Variants in RAP1GAP2 observed in about 807,000 individuals in gnomAD.
RAP1GAP2 encodes rap1 GTPase-activating protein 2.
In RAP1GAP2, 27 loss-of-function variants were observed where a neutral mutation model predicts 95.0. The ratio of observed to expected loss-of-function variants is 0.28; its 90% CI spans 0.21 to 0.39. The LOEUF (loss-of-function observed/expected upper bound fraction) is 0.39, where lower values mean the gene tolerates loss of function less well. Ranked by LOEUF, RAP1GAP2 falls within the 10% of genes least tolerant of loss-of-function variation. RAP1GAP2 has a pLI of 1.00. For synonymous variants in RAP1GAP2, 373 were observed against 380.9 expected, an observed-to-expected ratio of 0.98 and a Z score of 0.24; for missense variants, 771 against 970.0, an observed-to-expected ratio of 0.79 and a Z score of 2.72.
At chr17:2,793,064 T>C (rs1057313539), upstream of RAP1GAP2, among the ~76,000 whole-genome samples, 1 of 152,152 alleles carries the variant, frequency 6.6e-6, no homozygotes, top group African/African-American at 2.4e-5. Flanking sequence ...TTCTCTCTCA[T>C]GTATGAAAGC....
chr17:3,020,776 G>A (rs1047212162), intron 19 of RAP1GAP2, among the ~76,000 whole-genome samples, 181 bp downstream of exon 19: 5 of 152,198 alleles, frequency 3.3e-5, no homozygotes, highest in Non-Finnish European at 5.9e-5. Context: ...CCAAAGAGGC[G>A]GACTTGGCCA....
At position 3,007,887 on chromosome 17, in the gene RAP1GAP2, C is replaced by T. The variant is rs115933807; in HGVS notation, c.1360-124C>T. ...GAAGCTCAGCTCAGCAGTAGGTCCA[C>T]ACCGTTGCTGGGCCGGGCTGGGCAG... On this transcript the variant is annotated intron_variant, in intron 16 of 24. Coordinates refer to ENST00000254695, the MANE Select transcript of RAP1GAP2 (RefSeq NM_015085.5). 7.8e-4 allele frequency: 946 copies of T among 1,205,100 alleles called. 9 individuals carry two copies. In the African/African-American group the frequency reaches 0.013, roughly 17 times the overall value. 74.7% of individuals were successfully genotyped at this position (1,205,100 alleles called of 1,614,324 possible).
At chr17:2,900,159 C>T (rs1181555298) in intron 2 of RAP1GAP2, among the ~76,000 whole-genome samples, 2 of 152,200 alleles carry the variant, frequency 1.3e-5, no homozygotes, top group Non-Finnish European at 2.9e-5. Context: ...GGGGGCCTTA[C>T]ACCTGGCCCC....
In RAP1GAP2 at chr17:2,967,464, C is replaced by T. The variant is rs184684958; in HGVS notation, c.596+1821C>T. Among the ~76,000 whole-genome samples, 261 of 152,250 alleles carry T rather than the reference C, an allele frequency of 1.7e-3. 1 individual carries two copies. Among genetic ancestry groups the T allele is most frequent in the African/African-American group, 6.2e-3 (256 of 41,538 alleles). On this transcript the variant is annotated intron_variant, in intron 8 of 24. Transcript: ENST00000254695. ...AGTTGGAGATCTAGAAGAATCCTGT[C>T]CTCTTTAGGAGTGAGAGTGAGCCCT...
chr17:2,872,213 CAAAAAA>C (rs562587177), intron 2 of RAP1GAP2, among the ~76,000 whole-genome samples: 1 of 75,664 alleles, frequency 1.3e-5, no homozygotes, highest in South Asian at 7.1e-4. Context: ...GCCTCTGTCT[CAAAAAA>C]AAAAAAAAAA....
In RAP1GAP2 at chr17:2,827,715, C is replaced by T. The variant is rs2070634948; in HGVS notation, c.80+27165C>T. Among the ~76,000 whole-genome samples, 1 of 152,014 alleles carries T rather than the reference C, an allele frequency of 6.6e-6. No individual in the cohort carries two copies. The highest frequency in any genetic ancestry group is 2.4e-5 in the African/African-American group (1 of 41,378). ...CCCCAAGCTCTTCTCCCAGCCCACC[C>T]GGCACCAGCCAGTTTGAGCTCTGAC... On this transcript the variant is annotated intron_variant, in intron 2 of 24. Coordinates refer to ENST00000254695, the MANE Select transcript of RAP1GAP2 (RefSeq NM_015085.5). This position sits in a 1 kb window ranked among gnomAD's most constrained non-coding sequence, Gnocchi z 4.1.
chr17:2,841,299 G>A (rs1400364746), intron 2 of RAP1GAP2, among the ~76,000 whole-genome samples: 2 of 132,150 alleles, frequency 1.5e-5, no homozygotes, highest in Non-Finnish European at 3.1e-5. Flanking sequence ...AAGAGATATG[G>A]GGAATTTTTT....
At chr17:2,939,094 T>C (rs1711497859) in intron 3 of RAP1GAP2, among the ~76,000 whole-genome samples, 1 of 152,166 alleles carries the variant, frequency 6.6e-6, no homozygotes, top group African/African-American at 2.4e-5. Context: ...CACTTATTCT[T>C]TTTTTTTCTT....
intron 8 of RAP1GAP2, among the ~76,000 whole-genome samples, chr17:2,973,314 G>C (rs1029973833): frequency 6.6e-6 from 1 of 152,100 alleles, no homozygotes; most frequent in African/African-American, 2.4e-5. Context: ...TCAGGAGTTC[G>C]AGACCAGGCT....
intron 3 of RAP1GAP2, among the ~76,000 whole-genome samples, chr17:2,920,233 T>A (rs2151763919): frequency 6.6e-6 from 1 of 152,326 alleles, no homozygotes; most frequent in African/African-American, 2.4e-5. Context: ...TAGGCTGTCC[T>A]TTCCCCTTTT....
At chr17:2,829,532 T>C in intron 2 of RAP1GAP2, among the ~76,000 whole-genome samples, 1 of 152,166 alleles carries the variant, frequency 6.6e-6, no homozygotes, top group Non-Finnish European at 1.5e-5. Context: ...CAGCCCTGTC[T>C]TCATGTGAGA....
intron 3 of RAP1GAP2, among the ~76,000 whole-genome samples, chr17:2,927,005 C>CAAAAAA (rs1242428206): frequency 3.7e-5 from 2 of 54,146 alleles, no homozygotes; most frequent in African/African-American, 6.6e-5. Context: ...GACTCCATCT[C>CAAAAAA]AAAAAAAAAA....
chr17:2,946,056 G>A (rs1251896919), intron 3 of RAP1GAP2, among the ~76,000 whole-genome samples: 1 of 152,134 alleles, frequency 6.6e-6, no homozygotes, highest in African/African-American at 2.4e-5. Context: ...CTCCCAAAGT[G>A]CTGGGATTAC....
intron 18 of RAP1GAP2, 55 bp from the exon 19 acceptor site, chr17:3,020,422 G>T: frequency 7.1e-7 from 1 of 1,404,746 alleles, no homozygotes; most frequent in Non-Finnish European, 1.0e-6. Context: ...AGGATGAGGG[G>T]ATAGGAGATC....
At chr17:2,759,835 C>G (rs1367193076) in intron 1 of RAP1GAP2, among the ~76,000 whole-genome samples, 3 of 152,128 alleles carry the variant, frequency 2.0e-5, no homozygotes, top group Non-Finnish European at 4.4e-5. Context: ...ATGCATTTGC[C>G]TCCCGAAGTG....
intron 3 of RAP1GAP2, among the ~76,000 whole-genome samples, chr17:2,946,312 C>A (rs760357179): frequency 6.6e-6 from 1 of 152,152 alleles, no homozygotes; most frequent in Admixed American, 6.6e-5. Context: ...GTTTCCTCCT[C>A]TTCTATTTTT....
chr17:2,937,747 A>T (rs1295380792), intron 3 of RAP1GAP2, among the ~76,000 whole-genome samples: 2 of 152,334 alleles, frequency 1.3e-5, no homozygotes, highest in Admixed American at 1.3e-4. Context: ...TCCCTCTAGC[A>T]CATGGAGCTT....
chr17:2,869,211 C>T (rs1428807550), intron 2 of RAP1GAP2, among the ~76,000 whole-genome samples: 2 of 152,096 alleles, frequency 1.3e-5, no homozygotes, highest in Non-Finnish European at 2.9e-5. Flanking sequence ...AGTCTATCTA[C>T]TCTTATAGTG....
At chr17:2,897,344 CA>C (rs978119672) in intron 2 of RAP1GAP2, among the ~76,000 whole-genome samples, 1 of 151,718 alleles carries the variant, frequency 6.6e-6, no homozygotes, top group African/African-American at 2.4e-5. Context: ...GTCTCAAAAC[CA>C]AAAACAAACA....
Sources: gnomAD v4.1 joint callset for allele counts (sites outside exome capture counted in the v4.1 genomes callset) on GRCh38, gnomAD v4.1.1 for gene constraint, Gnocchi (gnomAD v3.1) non-coding constraint, MANE v1.5 for transcripts, NCBI Gene and HGNC (gene_info 2026-07-23, HGNC 2026-07-21) for gene names.